NOTCH4: variants seen among roughly 807,000 people sequenced by gnomAD.
The protein encoded by NOTCH4 is notch receptor 4, also known as neurogenic locus notch homolog protein 4.
NOTCH4 carries 138 observed loss-of-function variants against 189.0 expected under a neutral mutation model. The ratio of observed to expected loss-of-function variants is 0.73; its 90% CI spans 0.64 to 0.84. The LOEUF is 0.84. NOTCH4 is among the 40% of genes least tolerant of loss of function. NOTCH4 has a pLI of 0.00. For missense variants in NOTCH4, 2,286 were observed against 2,605.4 expected (o/e 0.88, Z 2.67); for synonymous variants, 942 against 1,032.8 (o/e 0.91, Z 1.69).
chr6:32,196,684 C>T (rs2127460100), intron 28 of NOTCH4, among the ~76,000 whole-genome samples: 1 of 152,152 alleles, frequency 6.6e-6, no homozygotes, highest in South Asian at 2.1e-4. Flanking sequence ...CCCCCCTTTC[C>T]ACAGACACTG....
chr6:32,204,441 A>G, intron 18 of NOTCH4, 52 bp from the exon 19 acceptor site: 2 of 1,585,736 alleles, frequency 1.3e-6, no homozygotes, highest in South Asian at 2.3e-5. Flanking sequence ...CCAACCCAGC[A>G]CTACAAGGGA....
Position 32,196,069 on chromosome 6 carries a change from C to T in NOTCH4, c.5380G>A (p.Glu1794Lys). Residue 1794 changes from glutamate (E) to lysine (K), a missense_variant, in exon 30 of 30, where the codon GAG becomes AAG. Physicochemically the swap from Glu to Lys is moderately conservative, Grantham distance 56 (BLOSUM62 1). This residue lies in a region of NOTCH4 where 383 missense variants were observed against 343.5 expected (regional missense o/e 1.11). Coordinates refer to ENST00000375023, the MANE Select transcript of NOTCH4 (RefSeq NM_004557.4). ...QLLLGLGAAR[E>K]LRDQAGLAPA... ...GCTAGCCCAGCCTGGTCCCGCAGCT[C>T]TCGGGCTGCCCCCAGCCCCAGCAGT... 6.3e-7 allele frequency: 1 copy of T among 1,593,200 alleles called. No homozygotes were observed. The highest frequency in any genetic ancestry group is 8.5e-7 in the Non-Finnish European group (1 of 1,176,778).
rs1788041734 is a variant in NOTCH4 at position 32,197,668 on chromosome 6, G to A, written c.4757-74C>T. 2.2e-6 allele frequency: 3 copies of A among 1,351,512 alleles called. No homozygotes were observed. The South Asian group carries it at 4.3e-5, about 20-fold the overall frequency. The allele number at this position is 1,351,512 out of a possible 1,614,324, so 83.7% of individuals were successfully genotyped here. On this transcript the variant is annotated intron_variant, in intron 26 of 29. Transcript: ENST00000375023. ...GGAAGGGACAACATGTAAGCTCAGA[G>A]AGAATCAAAACCTGAGGTGTTGGGA...
intron 13 of NOTCH4, 48 bp downstream of exon 13, chr6:32,214,062 A>G: frequency 6.4e-7 from 1 of 1,574,260 alleles, no homozygotes; most frequent in African/African-American, 1.4e-5. Context: ...TACCCTTGAC[A>G]TAGGGGGTGA....
chr6:32,197,672 A>T, intron 26 of NOTCH4, 78 bp from the exon 27 acceptor site: 2 of 1,310,016 alleles, frequency 1.5e-6, no homozygotes, highest in Non-Finnish European at 2.1e-6. Context: ...CTCAGAGAGA[A>T]TCAAAACCTG....
chr6:32,216,915 C>A (rs1449390932), intron 11 of NOTCH4, 30 bp downstream of exon 11: 1 of 1,612,752 alleles, frequency 6.2e-7, no homozygotes, highest in Admixed American at 1.7e-5. Context: ...AAATATTCTG[C>A]CAGTTCTTTC....
At chr6:32,203,959 G>A in intron 19 of NOTCH4, 77 bp from the exon 20 acceptor site, 1 of 1,461,304 alleles carries the variant, frequency 6.8e-7, no homozygotes, top group Non-Finnish European at 9.4e-7. Context: ...CTGGATGTTG[G>A]CCCAGTGCTA....
rs747836052 is a variant in NOTCH4 at position 32,195,927 on chromosome 6, G to C, written c.5522C>G (p.Pro1841Arg). The change falls in exon 30 of 30, where the codon CCG (proline) becomes CGG (arginine). Residue 1841 changes from proline (P) to arginine (R), a missense_variant. Around this residue, in one of 2 missense-constraint regions of NOTCH4, gnomAD observed 383 missense variants for 343.5 expected, o/e 1.11. Coordinates refer to ENST00000375023, the MANE Select transcript of NOTCH4 (RefSeq NM_004557.4). This position sits in a 1 kb window ranked among gnomAD's most constrained non-coding sequence, Gnocchi z 5.4. The stretch of plus-strand genomic sequence containing the variant: ...GCTTACTGACACCGTCCGTGCGCGC[G>C]GGAAGGGCCCAGCCTCGCGGCCCGG... ...ATPGREAGPFPRARTVSVSVP... is the reference protein window; with the variant it reads ...ATPGREAGPFRRARTVSVSVP... The C allele has an allele frequency of 4.0e-5, 63 of 1,587,184 alleles. No individual in the cohort carries two copies. The highest frequency in any genetic ancestry group is 5.1e-5 in the Non-Finnish European group (60 of 1,174,154).
Position 32,202,146 on chromosome 6 carries a change from A to G in NOTCH4, c.3685T>C (p.Cys1229Arg). 6.6e-7 allele frequency: 1 copy of G among 1,516,928 alleles called. No homozygotes were observed. The highest frequency in any genetic ancestry group is 1.8e-4 in the Middle Eastern group (1 of 5,580). The allele number at this position is 1,516,928 out of a possible 1,614,324, so 94.0% of individuals were successfully genotyped here. ...TCTTCAGAGTCACACTGTGGGTGGC[A>G]CTGCCCGTCCCGGAAGAGAAGCCAG... ...RCWLLFRDGQ[C>R]HPQCDSEECL... Residue 1229 changes from cysteine (C) to arginine (R), a missense_variant, in exon 21 of 30, where the codon TGC becomes CGC. This residue lies in a region of NOTCH4 where 1,903 missense variants were observed against 2,261.9 expected (regional missense o/e 0.84). Transcript: ENST00000375023. This position sits in a 1 kb window ranked among gnomAD's most constrained non-coding sequence, Gnocchi z 5.7.
intron 3 of NOTCH4, among the ~76,000 whole-genome samples, chr6:32,222,067 G>T (rs1184769913): frequency 6.6e-6 from 1 of 152,072 alleles, no homozygotes; most frequent in East Asian, 1.9e-4. Flanking sequence ...CACTCTCTGG[G>T]TCACATCCTT....
chr6:32,217,110 C>T lies in NOTCH4; in HGVS notation c.1738+43G>A. ...GGTCAGGGACCTGCACGGATGTCTG[C>T]CTCCTGCTCCCGCTGTCCCCCACAG... is the stretch of plus-strand genomic sequence containing the variant. On this transcript the variant is annotated intron_variant, in intron 10 of 29. Transcript: ENST00000375023. The surrounding 1 kb of genome is among the most constrained non-coding windows in gnomAD (Gnocchi z 4.2). 1 of 1,613,016 alleles carries T rather than the reference C, an allele frequency of 6.2e-7. No homozygotes were observed. Among genetic ancestry groups the T allele is most frequent in the African/African-American group, 1.3e-5 (1 of 75,054 alleles).
chr6:32,217,071 T>A lies in NOTCH4; in HGVS notation c.1739-4A>T, dbSNP rs2127482971. ...TGACAGCGTGGCCCTTCAAAGCCTG[T>A]GGCACAGCAGGAAGGTCAGGGACCT... On this transcript the variant is annotated splice_polypyrimidine_tract_variant and splice_region_variant and intron_variant, in intron 10 of 29. Coordinates refer to ENST00000375023, the MANE Select transcript of NOTCH4 (RefSeq NM_004557.4). The surrounding 1 kb of genome is among the most constrained non-coding windows in gnomAD (Gnocchi z 4.2). 6.2e-7 allele frequency: 1 copy of A among 1,613,062 alleles called. No homozygotes were observed. The highest frequency in any genetic ancestry group is 8.5e-7 in the Non-Finnish European group (1 of 1,180,022).
chr6:32,196,061 C>G lies in NOTCH4; in HGVS notation c.5388G>C (p.Arg1796=). The change falls in exon 30 of 30, where the codon CGG becomes CGC. Residue 1796 remains arginine, a synonymous_variant. Transcript: ENST00000375023. ...CCGCCGGCGCTAGCCCAGCCTGGTC[C>G]CGCAGCTCTCGGGCTGCCCCCAGCC... ...LLGLGAAREL[R]DQAGLAPADV... 1 of 1,593,800 alleles carries G rather than the reference C, an allele frequency of 6.3e-7. No homozygotes were observed. The highest frequency in any genetic ancestry group is 8.5e-7 in the Non-Finnish European group (1 of 1,176,954).
intron 1 of NOTCH4, 67 bp downstream of exon 1, chr6:32,223,789 C>T (rs1789947411): frequency 1.3e-6 from 2 of 1,513,286 alleles, no homozygotes; most frequent in East Asian, 2.3e-5. Context: ...TGGCCCTCTT[C>T]CCCCACCCCA....
At chr6:32,204,957 T>G (rs148365695) in intron 18 of NOTCH4, among the ~76,000 whole-genome samples, 1 of 152,326 alleles carries the variant, frequency 6.6e-6, no homozygotes, top group Non-Finnish European at 1.5e-5. Flanking sequence ...TAGTGACTTG[T>G]GCAAGTCAAA....
Position 32,195,757 on chromosome 6 carries a change from G to A in NOTCH4, c.5692C>T (p.Arg1898Trp), listed in dbSNP as rs1271027880. The A allele has an allele frequency of 6.2e-7, 1 of 1,611,744 alleles. No homozygotes were observed. Among genetic ancestry groups the A allele is most frequent in the South Asian group, 1.1e-5 (1 of 91,072 alleles). ...ARGGGAYSHC[R>W]SLSGVGAGGG... is the part of the protein sequence containing the mutation. ...CCTGCTCCTACTCCCGAGAGGCTCC[G>A]GCAATGAGAATAGGCCCCGCCCCCC... is the stretch of plus-strand genomic sequence containing the variant. The change falls in exon 30 of 30, where the codon CGG (arginine) becomes TGG (tryptophan). Residue 1898 changes from arginine (R) to tryptophan (W), a missense_variant. Coordinates refer to ENST00000375023, the MANE Select transcript of NOTCH4 (RefSeq NM_004557.4). The surrounding 1 kb of genome is among the most constrained non-coding windows in gnomAD (Gnocchi z 5.4).
Position 32,201,265 on chromosome 6 carries a change from T to A in NOTCH4, c.3991A>T (p.Lys1331Ter). Residue 1331 changes from lysine to a stop codon, truncating the protein, a stop_gained, in exon 22 of 30, where the codon AAG becomes TAG. Transcript: ENST00000375023. LOFTEE classifies it high-confidence loss of function. This position sits in a 1 kb window ranked among gnomAD's most constrained non-coding sequence, Gnocchi z 5.5. ...LTLRVGLWVR[K>*]DRDGRDMVYP... ...ACCATGTCCCTGCCATCACGATCCT[T>A]CCTTACCCAGAGTCCTACCCTCAGA... 1.9e-6 allele frequency: 3 copies of A among 1,612,946 alleles called. No homozygotes were observed. The highest frequency in any genetic ancestry group is 2.5e-6 in the Non-Finnish European group (3 of 1,179,990).
At chr6:32,218,145 C>T (rs1789532681) in intron 8 of NOTCH4, 37 bp from the exon 9 acceptor site, 1 of 1,383,908 alleles carries the variant, frequency 7.2e-7, no homozygotes, top group African/African-American at 1.4e-5. Context: ...GTGGCTCAGC[C>T]AGGTCTGCCT....
rs1358976595 is a variant in NOTCH4 at position 32,221,366 on chromosome 6, G to C, written c.452-41C>G. ...GAGGGAGCCGTTTCTAGCATTGTAC[G>C]AATTCTAGCCCATCTGAGGTTACCC... On this transcript the variant is annotated intron_variant, in intron 3 of 29. Transcript: ENST00000375023. The surrounding 1 kb of genome is among the most constrained non-coding windows in gnomAD (Gnocchi z 4.3). The C allele has an allele frequency of 6.7e-7, 1 of 1,495,220 alleles. No homozygotes were observed. The highest frequency in any genetic ancestry group is 1.4e-5 in the African/African-American group (1 of 72,564). The allele number at this position is 1,495,220 out of a possible 1,614,324, so 92.6% of individuals were successfully genotyped here.
Sources: gnomAD v4.1 joint callset for allele counts (sites outside exome capture counted in the v4.1 genomes callset) on GRCh38, gnomAD v4.1.1 for gene constraint, gnomAD v4.1.1 regional missense constraint, Gnocchi (gnomAD v3.1) non-coding constraint, MANE v1.5 for transcripts, NCBI Gene and HGNC (gene_info 2026-07-23, HGNC 2026-07-21) for gene names.